FMN2: variants seen among roughly 807,000 people sequenced by gnomAD.
FMN2 encodes formin-2.
Under a neutral mutation model 142.3 loss-of-function variants are expected in FMN2, and 51 were observed. That is an observed-to-expected ratio of 0.36 (90% CI 0.29 to 0.45). The LOEUF (loss-of-function observed/expected upper bound fraction) is 0.45. Ranked by LOEUF, FMN2 falls within the 20% of genes least tolerant of loss-of-function variation. FMN2 has a pLI of 1.00. For missense variants in FMN2, 1,936 were observed against 2,122.8 expected (o/e 0.91, Z 1.73); for synonymous variants, 882 against 869.8 (o/e 1.01, Z -0.25).
chr1:240,267,769 A>G (rs560422735), intron 7 of FMN2, among the ~76,000 whole-genome samples: 13 of 152,232 alleles, frequency 8.5e-5, no homozygotes, highest in African/African-American at 3.1e-4. Flanking sequence ...TAAAGACCCC[A>G]AACACTTATA....
intron 2 of FMN2, among the ~76,000 whole-genome samples, chr1:240,149,736 A>G (rs1663682537): frequency 6.6e-6 from 1 of 152,220 alleles, no homozygotes; most frequent in Non-Finnish European, 1.5e-5. Context: ...TCATTTCCAA[A>G]TATAAGGAGT....
At chr1:240,144,997 G>A in intron 2 of FMN2, 1 of 1,297,054 alleles carries the variant, frequency 7.7e-7, no homozygotes, top group Non-Finnish European at 1.1e-6. Context: ...CCAAAACAGA[G>A]ATGATGTCAG....
At chr1:240,315,063 G>A (rs2102992366) in intron 8 of FMN2, among the ~76,000 whole-genome samples, 1 of 152,264 alleles carries the variant, frequency 6.6e-6, no homozygotes, top group South Asian at 2.1e-4. Context: ...CAGTTGGCTA[G>A]CAACCCCAGT....
chr1:240,337,773 T>C (rs1349445153), intron 13 of FMN2, among the ~76,000 whole-genome samples: 1 of 152,174 alleles, frequency 6.6e-6, no homozygotes, highest in Non-Finnish European at 1.5e-5. Flanking sequence ...TGAAAAATAA[T>C]GTGTTATGGC....
intron 2 of FMN2, chr1:240,143,760 G>C: frequency 6.6e-7 from 1 of 1,520,650 alleles, no homozygotes; most frequent in Non-Finnish European, 9.1e-7. Flanking sequence ...CTGATGGTCT[G>C]AAGGATAGTG....
chr1:240,143,879 A>G (rs1390088978), intron 2 of FMN2: 6 of 1,586,026 alleles, frequency 3.8e-6, no homozygotes, highest in Non-Finnish European at 8.7e-7. Flanking sequence ...AGGCAGCAGC[A>G]GTGTTAGGAC....
At chr1:240,284,023 G>A (rs983579148) in intron 7 of FMN2, among the ~76,000 whole-genome samples, 2 of 152,054 alleles carry the variant, frequency 1.3e-5, no homozygotes, top group African/African-American at 4.8e-5. Context: ...GTGATGGCTG[G>A]TACAGTAGCA....
intron 14 of FMN2, among the ~76,000 whole-genome samples, chr1:240,356,246 T>C (rs1023973847): frequency 6.6e-6 from 1 of 152,158 alleles, no homozygotes; most frequent in Non-Finnish European, 1.5e-5. Context: ...AATTAGATAG[T>C]ATTATTTTAC....
chr1:240,147,378 C>A (rs1004152170), intron 2 of FMN2, among the ~76,000 whole-genome samples: 2 of 152,166 alleles, frequency 1.3e-5, no homozygotes, highest in Non-Finnish European at 2.9e-5. Context: ...CTTTCTGTTG[C>A]CATCACTCTG....
chr1:240,127,296 C>T (rs1353949316), intron 2 of FMN2, among the ~76,000 whole-genome samples: 1 of 151,816 alleles, frequency 6.6e-6, no homozygotes, highest in Non-Finnish European at 1.5e-5. Flanking sequence ...TGGTCTTGAA[C>T]TCCTGACCTC....
intron 16 of FMN2, 94 bp from the exon 17 acceptor site, chr1:240,472,278 T>C (rs1218400960): frequency 8.2e-6 from 7 of 849,350 alleles, no homozygotes; most frequent in Non-Finnish European, 1.3e-5. Flanking sequence ...GTAATTCAAA[T>C]CTTTATTGAG....
chr1:240,425,580 G>A (rs750609875), intron 15 of FMN2, among the ~76,000 whole-genome samples: 13 of 152,198 alleles, frequency 8.5e-5, no homozygotes, highest in African/African-American at 1.4e-4. Flanking sequence ...TCTGGTTGTC[G>A]TAGAATAAAC....
rs539536175 is a variant in FMN2, at chr1:240,233,563, T to C, written c.4065+22328T>C. Among the ~76,000 whole-genome samples the C allele has an allele frequency of 1.8e-4, 28 of 152,276 alleles. No homozygotes were observed. In the South Asian group the frequency reaches 5.4e-3, roughly 29 times the overall value. The stretch of plus-strand genomic sequence containing the variant: ...TTGTTCTGAAGACTCATGCTGAGTT[T>C]AAGAGAAAAATTCACATTTGAAAGA... On this transcript the variant is annotated intron_variant, in intron 6 of 17. Coordinates refer to ENST00000319653, the MANE Select transcript of FMN2 (RefSeq NM_020066.5).
intron 2 of FMN2, chr1:240,144,971 C>T: frequency 7.9e-7 from 1 of 1,261,226 alleles, no homozygotes; most frequent in Non-Finnish European, 1.2e-6. Flanking sequence ...CTCGCACTCC[C>T]CACTCATGGT....
At chr1:240,386,452 C>G (rs1229097813) in intron 14 of FMN2, among the ~76,000 whole-genome samples, 1 of 152,174 alleles carries the variant, frequency 6.6e-6, no homozygotes, top group East Asian at 1.9e-4. Flanking sequence ...TCAAATGCAA[C>G]TCTGTCTCCA....
rs143554418 is a variant in FMN2 at position 240,185,507 on chromosome 1, G to C, written c.1931-2700G>C. ...TTCAGTTCAGGTAGCCATTGAATTAGACAGAGAGGAGCTGAAAGTTTGGGT... is the reference window on the plus strand; with the variant it reads ...TTCAGTTCAGGTAGCCATTGAATTACACAGAGAGGAGCTGAAAGTTTGGGT... On this transcript the variant is annotated intron_variant, in intron 3 of 17. Coordinates refer to ENST00000319653, the MANE Select transcript of FMN2 (RefSeq NM_020066.5). Among the ~76,000 whole-genome samples, 37 of 152,290 alleles carry C rather than the reference G, an allele frequency of 2.4e-4. 2 individuals carry two copies. In the East Asian group the frequency reaches 7.0e-3, roughly 29 times the overall value.
At chr1:240,178,844 T>C (rs192374547) in intron 3 of FMN2, among the ~76,000 whole-genome samples, 11 of 152,362 alleles carry the variant, frequency 7.2e-5, no homozygotes, top group African/African-American at 2.6e-4. Flanking sequence ...ACATCATTGC[T>C]ATTCATAGAT....
chr1:240,147,250 T>G (rs1347262116), intron 2 of FMN2, among the ~76,000 whole-genome samples: 5 of 152,204 alleles, frequency 3.3e-5, no homozygotes, highest in African/African-American at 1.2e-4. Flanking sequence ...TTAGGGTAAT[T>G]TGCCCAGAGT....
In FMN2 at chr1:240,144,135, C is replaced by T. The variant is rs1308180526; in HGVS notation, c.1782+20790C>T. ...ATCCACATCCCACAGCAGCAGCATCCCAACAGATGCAGCTGCACTCAACAT... is the reference window on the plus strand; with the variant it reads ...ATCCACATCCCACAGCAGCAGCATCTCAACAGATGCAGCTGCACTCAACAT... On this transcript the variant is annotated intron_variant, in intron 2 of 17. Coordinates refer to ENST00000319653, the MANE Select transcript of FMN2 (RefSeq NM_020066.5). The T allele has an allele frequency of 9.6e-6, 12 of 1,255,100 alleles. No individual in the cohort carries two copies. In the African/African-American group the frequency reaches 1.2e-4, roughly 12 times the overall value. 77.7% of individuals were successfully genotyped at this position (1,255,100 alleles called of 1,614,324 possible).
Sources: gnomAD v4.1 joint callset for allele counts (sites outside exome capture counted in the v4.1 genomes callset) on GRCh38, gnomAD v4.1.1 for gene constraint, MANE v1.5 for transcripts, NCBI Gene and HGNC (gene_info 2026-07-23, HGNC 2026-07-21) for gene names.